Variants in SLIT3 observed in about 807,000 individuals in gnomAD.
SLIT3 encodes the protein slit homolog 3 protein.
In SLIT3, 68 loss-of-function variants were observed where a neutral mutation model predicts 184.0. The observed-to-expected ratio is 0.37, with a 90% CI of 0.30 to 0.45. SLIT3 has a LOEUF of 0.45. SLIT3 is among the 20% of genes least tolerant of loss of function. SLIT3 has a pLI of 1.00. For missense variants in SLIT3, 1,707 were observed against 2,026.0 expected (o/e 0.84, Z 3.02); for synonymous variants, 831 against 828.6 (o/e 1.00, Z -0.05).
At chr5:169,079,566 G>GA (rs1205236916) in intron 4 of SLIT3, among the ~76,000 whole-genome samples, 1 of 124,624 alleles carries the variant, frequency 8.0e-6, no homozygotes, top group African/African-American at 3.0e-5. Flanking sequence ...AGGAGGAGGA[G>GA]GAAGGAGGAG....
chr5:169,208,807 A>G (rs1764159619), intron 3 of SLIT3, among the ~76,000 whole-genome samples: 1 of 152,234 alleles, frequency 6.6e-6, no homozygotes, highest in Non-Finnish European at 1.5e-5. Context: ...TTAAAAATTA[A>G]GATGGATTAA....
intron 1 of SLIT3, among the ~76,000 whole-genome samples, chr5:169,292,197 G>T (rs114551083): frequency 2.0e-5 from 3 of 152,200 alleles, no homozygotes; most frequent in Non-Finnish European, 4.4e-5. Context: ...AGCTACCTGA[G>T]CTCTGCTACT....
intron 5 of SLIT3, among the ~76,000 whole-genome samples, chr5:168,856,452 G>C (rs1012574667): frequency 6.6e-6 from 1 of 152,160 alleles, no homozygotes. Flanking sequence ...AGAAACATGA[G>C]GGAATTTAAT....
chr5:168,888,495 C>T lies in SLIT3; in HGVS notation c.414-5159G>A, dbSNP rs62377163. Among the ~76,000 whole-genome samples the T allele has an allele frequency of 3.5e-3, 535 of 152,332 alleles. 1 individual carries two copies. The highest frequency in any genetic ancestry group is 6.7e-3 in the Non-Finnish European group (458 of 68,026). On this transcript the variant is annotated intron_variant, in intron 4 of 35. Coordinates refer to ENST00000519560, the MANE Select transcript of SLIT3 (RefSeq NM_003062.4). ...CCCCAAAGTATTCCTAAGAAGGCTT[C>T]GGGGATAGTTCTGAATCTACAAGTC... is the stretch of plus-strand genomic sequence containing the variant.
chr5:168,983,608 C>T (rs1755024824), intron 4 of SLIT3, among the ~76,000 whole-genome samples: 2 of 152,140 alleles, frequency 1.3e-5, no homozygotes, highest in Non-Finnish European at 2.9e-5. Flanking sequence ...GGCTCTGTGC[C>T]TCAATTTCCT....
At chr5:169,061,317 G>A (rs1758166412) in intron 4 of SLIT3, among the ~76,000 whole-genome samples, 1 of 152,190 alleles carries the variant, frequency 6.6e-6, no homozygotes, top group Admixed American at 6.5e-5. Context: ...TGTGCTGGAA[G>A]ATGCTGTGCA....
intron 5 of SLIT3, among the ~76,000 whole-genome samples, chr5:168,856,976 G>C (rs1037818567): frequency 7.2e-5 from 11 of 152,022 alleles, no homozygotes; most frequent in Admixed American, 2.6e-4. Flanking sequence ...TCCTGGGGAA[G>C]GGATGGTGGG....
chr5:169,300,486 C>G lies in SLIT3; in HGVS notation c.197+27G>C, dbSNP rs760922803. The stretch of plus-strand genomic sequence containing the variant: ...CTCGGTGGGACCCAGGTGGGTGGCC[C>G]GCGTGGGGTGGGGCAGGGGTACTCA... On this transcript the variant is annotated intron_variant, in intron 1 of 35. Coordinates refer to ENST00000519560, the MANE Select transcript of SLIT3 (RefSeq NM_003062.4). The surrounding 1 kb of genome is among the most constrained non-coding windows in gnomAD (Gnocchi z 4.1). 1.2e-4 allele frequency: 175 copies of G among 1,441,714 alleles called. No individual in the cohort carries two copies. The highest frequency in any genetic ancestry group is 1.4e-4 in the Non-Finnish European group (157 of 1,099,128). 89.3% of individuals were successfully genotyped at this position (1,441,714 alleles called of 1,614,324 possible). A position where few individuals can be genotyped will look rare whatever the true frequency, so the allele number is the denominator to read the frequency against.
intron 30 of SLIT3, 87 bp downstream of exon 30, chr5:168,686,892 C>T: frequency 1.3e-6 from 2 of 1,531,578 alleles, no homozygotes; most frequent in Non-Finnish European, 9.0e-7. Context: ...GGGCCTGAGT[C>T]TCCATTCTGG....
intron 34 of SLIT3, 65 bp from the exon 35 acceptor site, chr5:168,670,056 T>C (rs991086883): frequency 1.4e-6 from 2 of 1,419,160 alleles, no homozygotes; most frequent in South Asian, 2.4e-5. Flanking sequence ...GGACTCCCTC[T>C]GTCCACCCAG....
chr5:169,021,770 G>T (rs1756608127), intron 4 of SLIT3, among the ~76,000 whole-genome samples: 1 of 152,166 alleles, frequency 6.6e-6, no homozygotes, highest in Non-Finnish European at 1.5e-5. Flanking sequence ...ATTGTCCCAG[G>T]ATAGCATAGA....
intron 4 of SLIT3, among the ~76,000 whole-genome samples, chr5:169,048,716 C>T (rs763262159): frequency 6.6e-6 from 1 of 152,120 alleles, no homozygotes; most frequent in Non-Finnish European, 1.5e-5. Context: ...ATTTTTGCCT[C>T]GGATAATAAC....
In SLIT3 at chr5:169,259,081, T is replaced by A. The variant is rs544945348; in HGVS notation, c.198-7622A>T. On this transcript the variant is annotated intron_variant, in intron 1 of 35. Transcript: ENST00000519560. ...CCATGAGGCTCAATTGAGAAAGTACTTTTTTTTTGGAGACAGAGTCTTGCT... is the reference window on the plus strand; with the variant it reads ...CCATGAGGCTCAATTGAGAAAGTACATTTTTTTTGGAGACAGAGTCTTGCT... 2.6e-5 allele frequency among the ~76,000 whole-genome samples: 4 copies of A among 151,640 alleles called. 1 individual carries two copies. The highest frequency in any genetic ancestry group is 2.9e-5 in the Non-Finnish European group (2 of 67,862).
In SLIT3 at chr5:168,847,100, A is replaced by G. The variant is rs561433456; in HGVS notation, c.486-2445T>C. ...TCATTTTCAGGCTAAAAGCAGAGAC[A>G]TCTAATATGTTACTAATTACGTGAC... On this transcript the variant is annotated intron_variant, in intron 5 of 35. Transcript: ENST00000519560. 2.2e-4 allele frequency among the ~76,000 whole-genome samples: 33 copies of G among 152,366 alleles called. No individual in the cohort carries two copies. The East Asian group carries it at 6.4e-3, about 29-fold the overall frequency.
intron 8 of SLIT3, among the ~76,000 whole-genome samples, chr5:168,808,590 G>C (rs1561944320): frequency 6.6e-6 from 1 of 152,280 alleles, no homozygotes; most frequent in East Asian, 1.9e-4. Flanking sequence ...GCTACAAATT[G>C]TTTGTAAGAC....
At chr5:168,779,736 A>G (rs796175827) in intron 12 of SLIT3, among the ~76,000 whole-genome samples, 1 of 152,154 alleles carries the variant, frequency 6.6e-6, no homozygotes, top group Non-Finnish European at 1.5e-5. Flanking sequence ...AACCCTCGTG[A>G]CTCAAGTCTT....
intron 3 of SLIT3, among the ~76,000 whole-genome samples, chr5:169,241,732 G>A (rs1368230894): frequency 6.6e-6 from 1 of 152,106 alleles, no homozygotes; most frequent in Non-Finnish European, 1.5e-5. Context: ...AAACAATCCA[G>A]AAAACAGGGA....
chr5:168,884,547 GAGATATATATATATATAT>G (rs1760104849), intron 4 of SLIT3, among the ~76,000 whole-genome samples: 1 of 9,312 alleles, frequency 1.1e-4, no homozygotes, highest in African/African-American at 5.1e-4. Flanking sequence ...TACCAATTAC[GAGATATATATATATATAT>G]ATATATATAT....
intron 9 of SLIT3, among the ~76,000 whole-genome samples, chr5:168,797,545 C>T (rs1313594302): frequency 6.6e-6 from 1 of 152,184 alleles, no homozygotes; most frequent in African/African-American, 2.4e-5. Flanking sequence ...AATTACCCTC[C>T]ATCTTAATGA....
Sources: gnomAD v4.1 joint callset for allele counts (sites outside exome capture counted in the v4.1 genomes callset) on GRCh38, gnomAD v4.1.1 for gene constraint, Gnocchi (gnomAD v3.1) non-coding constraint, MANE v1.5 for transcripts, NCBI Gene and HGNC (gene_info 2026-07-23, HGNC 2026-07-21) for gene names.